The following CNOT4 variants were observed in gnomAD, a reference collection of about 807,000 sequenced individuals.
CNOT4 encodes CCR4-associated factor 4.
In CNOT4, 8 loss-of-function variants were observed where a neutral mutation model predicts 73.8. That is an observed-to-expected ratio of 0.11 (90% CI 0.06 to 0.20). The LOEUF (loss-of-function observed/expected upper bound fraction) is 0.20, where lower values mean the gene tolerates loss of function less well. Among genes scored for constraint, CNOT4 ranks in the 10% least tolerant of loss-of-function variants. The pLI is 1.00. For missense variants in CNOT4, 564 were observed against 883.4 expected, an observed-to-expected ratio of 0.64 and a Z score of 4.58; for synonymous variants, 293 against 321.1, an observed-to-expected ratio of 0.91 and a Z score of 0.94.
intron 10 of CNOT4, chr7:135,388,164 A>C: frequency 3.0e-6 from 3 of 985,252 alleles, no homozygotes; most frequent in Non-Finnish European, 3.6e-6. Context: ...TCTTTTAACC[A>C]TCTATGCATA....
intron 3 of CNOT4, among the ~76,000 whole-genome samples, chr7:135,417,441 T>C (rs1354331036): frequency 6.6e-6 from 1 of 152,216 alleles, no homozygotes; most frequent in Non-Finnish European, 1.5e-5. Flanking sequence ...CAAATTATAT[T>C]ATCAAGAAGT....
intron 1 of CNOT4, among the ~76,000 whole-genome samples, chr7:135,488,657 C>T (rs1456048083): frequency 6.6e-6 from 1 of 152,144 alleles, no homozygotes; most frequent in African/African-American, 2.4e-5. Context: ...AGACAAAAAT[C>T]TCTTTCCTCG....
At chr7:135,417,841 C>G (rs1471344496) in intron 3 of CNOT4, among the ~76,000 whole-genome samples, 3 of 152,304 alleles carry the variant, frequency 2.0e-5, no homozygotes, top group Non-Finnish European at 4.4e-5. Flanking sequence ...TCTTTCTCAT[C>G]CAGAAGCATT....
chr7:135,417,988 AG>A (rs990894000), intron 3 of CNOT4, among the ~76,000 whole-genome samples: 4 of 152,224 alleles, frequency 2.6e-5, no homozygotes, highest in Non-Finnish European at 5.9e-5. Flanking sequence ...GTAAAAAGGA[AG>A]GTACTACTTA....
intron 1 of CNOT4, among the ~76,000 whole-genome samples, chr7:135,496,056 G>T (rs931496251): frequency 5.9e-5 from 9 of 151,988 alleles, no homozygotes; most frequent in African/African-American, 2.2e-4. Flanking sequence ...TTGTTTTCTG[G>T]CCATTTTTAC....
intron 1 of CNOT4, among the ~76,000 whole-genome samples, chr7:135,457,122 A>G (rs1800587275): frequency 6.6e-6 from 1 of 152,106 alleles, no homozygotes; most frequent in African/African-American, 2.4e-5. Flanking sequence ...CAAATAAAAC[A>G]TCAAATATCA....
intron 1 of CNOT4, chr7:135,444,478 C>T (rs1799693752): frequency 6.3e-6 from 5 of 792,632 alleles, no homozygotes; most frequent in Admixed American, 1.7e-5. Context: ...AGGCTGAGTG[C>T]CCTTTGCAGT....
At chr7:135,418,968 A>G (rs541433784) in intron 3 of CNOT4, among the ~76,000 whole-genome samples, 1 of 152,248 alleles carries the variant, frequency 6.6e-6, no homozygotes, top group African/African-American at 2.4e-5. Context: ...CTGGCTTGCT[A>G]ACTACTTCCC....
At chr7:135,485,590 C>T (rs1219263877) in intron 1 of CNOT4, among the ~76,000 whole-genome samples, 1 of 152,124 alleles carries the variant, frequency 6.6e-6, no homozygotes, top group Non-Finnish European at 1.5e-5. Flanking sequence ...AGAAATGTGT[C>T]CACACAAATA....
In CNOT4 at chr7:135,413,031, A is replaced by G. The variant is rs115534048; in HGVS notation, c.687+457T>C. On this transcript the variant is annotated intron_variant, in intron 6 of 11. Transcript: ENST00000541284. Reference sequence around the variant, plus strand: ...GTAAAAATAATATTAGTTTATCAGCATCATTTGACAGAGTATTATTTTCTA... The same window carrying G: ...GTAAAAATAATATTAGTTTATCAGCGTCATTTGACAGAGTATTATTTTCTA... Among the ~76,000 whole-genome samples the G allele has an allele frequency of 4.5e-3, 680 of 152,166 alleles. 10 individuals are homozygous for G. Among genetic ancestry groups the G allele is most frequent in the African/African-American group, 0.016 (654 of 41,576 alleles).
intron 7 of CNOT4, among the ~76,000 whole-genome samples, chr7:135,405,306 A>G (rs757194512): frequency 6.6e-6 from 1 of 152,156 alleles, no homozygotes. Flanking sequence ...CATTTCCTCA[A>G]TGATGGCTTG....
intron 2 of CNOT4, among the ~76,000 whole-genome samples, chr7:135,436,189 T>A (rs1799144201): frequency 6.6e-6 from 1 of 152,106 alleles, no homozygotes. Flanking sequence ...CTTTAAAATC[T>A]TCTATTTTTT....
chr7:135,410,672 T>C, intron 6 of CNOT4, 24 bp from the exon 7 acceptor site: 1 of 1,556,150 alleles, frequency 6.4e-7, no homozygotes, highest in Non-Finnish European at 8.7e-7. Context: ...AAATTAAAAC[T>C]GCAGTGGGAT....
chr7:135,432,806 C>G (rs925361111), intron 2 of CNOT4, among the ~76,000 whole-genome samples: 6 of 152,170 alleles, frequency 3.9e-5, no homozygotes, highest in African/African-American at 1.4e-4. Context: ...AACAGTTGAG[C>G]AGATACGGAA....
chr7:135,382,772 C>G (rs1191436162), intron 10 of CNOT4, among the ~76,000 whole-genome samples: 1 of 152,116 alleles, frequency 6.6e-6, no homozygotes. Flanking sequence ...TAGAAGTAAT[C>G]TAGAGATTAT....
chr7:135,497,338 G>A (rs1803656596), intron 1 of CNOT4, among the ~76,000 whole-genome samples: 1 of 152,118 alleles, frequency 6.6e-6, no homozygotes. Context: ...GAACCCAGGA[G>A]GCGGAGGTTG....
intron 2 of CNOT4, among the ~76,000 whole-genome samples, chr7:135,437,464 C>T (rs1285126622): frequency 6.6e-6 from 1 of 151,912 alleles, no homozygotes; most frequent in Non-Finnish European, 1.5e-5. Flanking sequence ...GCTGGGATTA[C>T]AGGCGTGAGC....
intron 7 of CNOT4, among the ~76,000 whole-genome samples, chr7:135,410,143 C>T (rs1356051927): frequency 1.3e-5 from 2 of 152,120 alleles, no homozygotes; most frequent in African/African-American, 4.8e-5. Flanking sequence ...ATAACACCCA[C>T]TTTCCCTTTT....
At chr7:135,366,349 G>A (rs1239432268) in intron 10 of CNOT4, among the ~76,000 whole-genome samples, 1 of 152,184 alleles carries the variant, frequency 6.6e-6, no homozygotes, top group East Asian at 1.9e-4. Flanking sequence ...AGGCAGAGGG[G>A]TTATATGACA....
Sources: gnomAD v4.1 joint callset for allele counts (sites outside exome capture counted in the v4.1 genomes callset) on GRCh38, gnomAD v4.1.1 for gene constraint, MANE v1.5 for transcripts, NCBI Gene and HGNC (gene_info 2026-07-23, HGNC 2026-07-21) for gene names.